Variants in CLOCK observed in about 807,000 individuals in gnomAD.
CLOCK encodes the protein clock circadian regulator.
In CLOCK, 43 loss-of-function variants were observed where a neutral mutation model predicts 118.4. The observed-to-expected ratio is 0.36, with a 90% confidence interval of 0.28 to 0.47. The LOEUF is 0.47. Among genes scored for constraint, CLOCK ranks in the 20% least tolerant of loss-of-function variants. The probability of loss-of-function intolerance (pLI) is 1.00; values close to 1 mark genes in which losing one functional copy is unlikely to be tolerated. For synonymous variants in CLOCK, 326 were observed against 339.2 expected (o/e 0.96, Z 0.43); for missense variants, 846 against 999.9 (o/e 0.85, Z 2.08).
At chr4:55,498,603 C>CCTATTA (rs1553899409) in intron 2 of CLOCK, among the ~76,000 whole-genome samples, 1 of 148,636 alleles carries the variant, frequency 6.7e-6, no homozygotes, top group Non-Finnish European at 1.5e-5. Context: ...TATCTAGTTC[C>CCTATTA]TTATTATTAT....
chr4:55,519,894 A>G (rs1371003420), intron 1 of CLOCK, among the ~76,000 whole-genome samples: 2 of 152,170 alleles, frequency 1.3e-5, no homozygotes, highest in Non-Finnish European at 2.9e-5. Flanking sequence ...CCTCTGCCAA[A>G]GGGAAATGGG....
chr4:55,453,150 C>G, intron 14 of CLOCK, 21 bp from the exon 15 acceptor site: 1 of 1,592,072 alleles, frequency 6.3e-7, no homozygotes, highest in Non-Finnish European at 8.6e-7. Context: ...AAAAAATAAT[C>G]AAATTTTAGT....
chr4:55,436,359 T>C (rs536619005), intron 22 of CLOCK, among the ~76,000 whole-genome samples: 10 of 152,290 alleles, frequency 6.6e-5, no homozygotes, highest in African/African-American at 2.4e-4. Context: ...TTTACATAAG[T>C]AAGCTGTGTG....
At chr4:55,538,324 G>A (rs1204810062) in intron 1 of CLOCK, among the ~76,000 whole-genome samples, 1 of 152,156 alleles carries the variant, frequency 6.6e-6, no homozygotes, top group Non-Finnish European at 1.5e-5. Flanking sequence ...AATAGATGAT[G>A]CCGATATTGG....
chr4:55,443,654 C>A (rs2109691728), intron 20 of CLOCK, 33 bp downstream of exon 20: 1 of 1,549,092 alleles, frequency 6.5e-7, no homozygotes, highest in Non-Finnish European at 8.9e-7. Flanking sequence ...AACCACTGAT[C>A]ACTCCATAGC....
At chr4:55,443,933 A>G (rs777310240) in intron 19 of CLOCK, 37 bp from the exon 20 acceptor site, 2 of 1,574,068 alleles carry the variant, frequency 1.3e-6, no homozygotes, top group Non-Finnish European at 1.7e-6. Flanking sequence ...TGAGCTTTGT[A>G]GATTGAAAAG....
chr4:55,443,690 A>C lies in CLOCK; in HGVS notation c.1899T>G (p.Thr633=). The C allele has an allele frequency of 6.2e-7, 1 of 1,613,274 alleles. No individual in the cohort carries two copies. Among genetic ancestry groups the C allele is most frequent in the Non-Finnish European group, 8.5e-7 (1 of 1,179,274 alleles). ...CCGCTGTGCTCAGTAACATTACCTG[A>C]GTTGATGTACTCTGTAAAGTCTGTT... ...IQQQTLQSTS[T]QSQQNVLSGH... Residue 633 remains threonine, a synonymous_variant, in exon 20 of 23, where the codon ACT becomes ACG. Transcript: ENST00000513440.
In CLOCK at chr4:55,428,277, T is replaced by A. The variant is rs1170439015; in HGVS notation, c.*7138A>T. On this transcript the variant is annotated 3_prime_UTR_variant, in exon 23 of 23. Transcript: ENST00000513440. ...GTAGGCTAACAACACATTTTGACTT[T>A]CTCCTCAAAGGATAGCTTTGAAAAA... 2.0e-5 allele frequency: 3 copies of A among 152,128 alleles called. No individual in the cohort carries two copies. The highest frequency in any genetic ancestry group is 4.4e-5 in the Non-Finnish European group (3 of 68,018). The allele number at this position is 152,128 out of a possible 1,614,324, so 9.4% of individuals were successfully genotyped here. A position where few individuals can be genotyped will look rare whatever the true frequency, so the allele number is the denominator to read the frequency against.
At chr4:55,447,193 C>A (rs894811951) in intron 18 of CLOCK, among the ~76,000 whole-genome samples, 3 of 152,026 alleles carry the variant, frequency 2.0e-5, no homozygotes, top group African/African-American at 7.2e-5. Flanking sequence ...ATGGCAAAAC[C>A]CTGTCTCTAC....
chr4:55,517,285 C>T (rs571233752), intron 1 of CLOCK, among the ~76,000 whole-genome samples: 131 of 152,074 alleles, frequency 8.6e-4, no homozygotes, highest in African/African-American at 2.9e-3. Flanking sequence ...CCGAGGTGGG[C>T]GGATCATGAG....
intron 1 of CLOCK, among the ~76,000 whole-genome samples, chr4:55,531,164 G>C (rs1730517903): frequency 6.6e-6 from 1 of 151,878 alleles, no homozygotes; most frequent in African/African-American, 2.4e-5. Context: ...AAATGATGAA[G>C]TACAAGAAGA....
At chr4:55,515,153 T>C (rs540855956) in intron 1 of CLOCK, among the ~76,000 whole-genome samples, 3 of 152,354 alleles carry the variant, frequency 2.0e-5, no homozygotes, top group South Asian at 2.1e-4. Context: ...ATCTAGGTTA[T>C]CAAATTCGTG....
chr4:55,525,800 C>T (rs1055075967), intron 1 of CLOCK, among the ~76,000 whole-genome samples: 16 of 151,488 alleles, frequency 1.1e-4, no homozygotes, highest in Admixed American at 1.1e-3. Context: ...GTATATGTTA[C>T]CTTTCTACTT....
chr4:55,430,689 A>C lies in CLOCK; in HGVS notation c.*4726T>G, dbSNP rs1355928224. ...ATGCCAACATTTCAGGGCACATTTA[A>C]AACACTCAGAATAATTCTTGAAATT... On this transcript the variant is annotated 3_prime_UTR_variant, in exon 23 of 23. Transcript: ENST00000513440. The C allele has an allele frequency of 6.6e-6, 1 of 152,186 alleles. No homozygotes were observed. The highest frequency in any genetic ancestry group is 2.1e-4 in the South Asian group (1 of 4,826). 9.4% of individuals were successfully genotyped at this position (152,186 alleles called of 1,614,324 possible). A position where few individuals can be genotyped will look rare whatever the true frequency, so the allele number is the denominator to read the frequency against.
At chr4:55,481,284 A>T (rs970900539) in intron 4 of CLOCK, among the ~76,000 whole-genome samples, 1 of 152,180 alleles carries the variant, frequency 6.6e-6, no homozygotes, top group Non-Finnish European at 1.5e-5. Flanking sequence ...TTTATAAAAA[A>T]TTGTTATATG....
intron 5 of CLOCK, 87 bp from the exon 6 acceptor site, chr4:55,479,050 G>T (rs1423464172): frequency 1.9e-6 from 2 of 1,075,938 alleles, no homozygotes; most frequent in Non-Finnish European, 2.7e-6. Context: ...ACATGACACA[G>T]CATGTACTTC....
intron 4 of CLOCK, among the ~76,000 whole-genome samples, chr4:55,481,799 T>C (rs1726951502): frequency 6.6e-6 from 1 of 152,220 alleles, no homozygotes; most frequent in Admixed American, 6.5e-5. Context: ...CCAGATCATA[T>C]CTTACTAGCT....
intron 1 of CLOCK, among the ~76,000 whole-genome samples, chr4:55,539,761 C>T (rs1476544572): frequency 6.6e-6 from 1 of 151,746 alleles, no homozygotes; most frequent in Non-Finnish European, 1.5e-5. Context: ...TAAATTATTA[C>T]ACAGAGATGA....
rs181300983 is a variant in CLOCK, at chr4:55,497,636, A to G, written c.-135-8171T>C. ...AACTTCTGAACTATCTTAACCTTTC[A>G]TATTTCTTAAAGGGAATTGGAAAAT... On this transcript the variant is annotated intron_variant, in intron 2 of 22. Transcript: ENST00000513440. Among the ~76,000 whole-genome samples the G allele has an allele frequency of 1.2e-3, 181 of 152,348 alleles. 1 individual carries two copies. Among genetic ancestry groups the G allele is most frequent in the African/African-American group, 4.2e-3 (175 of 41,584 alleles).
Sources: gnomAD v4.1 joint callset for allele counts (sites outside exome capture counted in the v4.1 genomes callset) on GRCh38, gnomAD v4.1.1 for gene constraint, MANE v1.5 for transcripts, NCBI Gene and HGNC (gene_info 2026-07-23, HGNC 2026-07-21) for gene names.